The following MBTD1 variants were observed in gnomAD, a reference collection of about 807,000 sequenced individuals.
MBTD1 encodes MBT domain-containing protein 1.
Under a neutral mutation model 87.8 loss-of-function variants are expected in MBTD1, and 24 were observed. That is an observed-to-expected ratio of 0.27 (90% CI 0.20 to 0.38). The LOEUF is 0.38. Among genes scored for constraint, MBTD1 ranks in the 10% least tolerant of loss-of-function variants. MBTD1 has a pLI of 1.00. For synonymous variants in MBTD1, 237 were observed against 248.6 expected (o/e 0.95, Z 0.44); for missense variants, 436 against 760.2 (o/e 0.57, Z 5.02).
At chr17:51,218,529 C>CA (rs58563366) in intron 5 of MBTD1, among the ~76,000 whole-genome samples, 3,840 of 110,252 alleles carry the variant, frequency 0.035, 170 homozygotes, top group African/African-American at 0.053. Flanking sequence ...ACTCTGTCTC[C>CA]AAAAAAAAAA....
At chr17:51,234,724 G>A (rs1338103525) in intron 2 of MBTD1, among the ~76,000 whole-genome samples, 5 of 152,104 alleles carry the variant, frequency 3.3e-5, no homozygotes, top group African/African-American at 7.2e-5. Flanking sequence ...ACGAAGTTTC[G>A]CTCTTGTCGC....
At chr17:51,194,285 T>C (rs2050958306) in intron 13 of MBTD1, among the ~76,000 whole-genome samples, 1 of 152,088 alleles carries the variant, frequency 6.6e-6, no homozygotes, top group African/African-American at 2.4e-5. Context: ...AAAGTCCACA[T>C]AGGGCTGGGT....
chr17:51,245,212 TTTG>T (rs2054364433), intron 2 of MBTD1, among the ~76,000 whole-genome samples: 1 of 152,204 alleles, frequency 6.6e-6, no homozygotes, highest in Non-Finnish European at 1.5e-5. Context: ...AGAGGATTTT[TTTG>T]TTATCTTATT....
Position 51,203,232 on chromosome 17 carries a change from A to C in MBTD1, c.740-4T>G. Reference sequence around the variant, plus strand: ...TTTGTATATTTATGCTGAATAGCTAAAATAGAAGAAATAATCAGTTATACT... The same window carrying C: ...TTTGTATATTTATGCTGAATAGCTACAATAGAAGAAATAATCAGTTATACT... On this transcript the variant is annotated splice_region_variant and splice_polypyrimidine_tract_variant and intron_variant, in intron 8 of 16. Transcript: ENST00000586178. The C allele has an allele frequency of 7.1e-7, 1 of 1,411,594 alleles. No individual in the cohort carries two copies. Among genetic ancestry groups the C allele is most frequent in the Non-Finnish European group, 9.6e-7 (1 of 1,039,114 alleles). 87.4% of individuals were successfully genotyped at this position (1,411,594 alleles called of 1,614,324 possible).
chr17:51,259,717 T>G, intron 1 of MBTD1, 118 bp downstream of exon 1: 1 of 955,998 alleles, frequency 1.0e-6, no homozygotes, highest in Non-Finnish European at 1.4e-6. Flanking sequence ...TGAGAGGGCG[T>G]GGGATGGAGA....
intron 11 of MBTD1, 63 bp downstream of exon 11, chr17:51,201,959 A>G: frequency 1.7e-6 from 2 of 1,196,542 alleles, no homozygotes; most frequent in Admixed American, 1.8e-5. Context: ...AATTTTAGGA[A>G]AAAACCCACA....
At chr17:51,193,747 T>C (rs1013958986) in intron 13 of MBTD1, among the ~76,000 whole-genome samples, 2 of 152,184 alleles carry the variant, frequency 1.3e-5, no homozygotes, top group African/African-American at 2.4e-5. Context: ...GCCTCTCTAG[T>C]AGCTGGGACT....
intron 2 of MBTD1, among the ~76,000 whole-genome samples, chr17:51,227,241 CCAA>C (rs2053275758): frequency 5.4e-5 from 1 of 18,384 alleles, no homozygotes; most frequent in African/African-American, 2.3e-4. Context: ...GACTCTGTCT[CCAA>C]AAAAAAAAAA....
At chr17:51,238,696 G>C (rs2053990592) in intron 2 of MBTD1, among the ~76,000 whole-genome samples, 1 of 152,204 alleles carries the variant, frequency 6.6e-6, no homozygotes, top group Admixed American at 6.5e-5. Context: ...GTAACTGCAG[G>C]AAACAAAGTT....
At chr17:51,226,529 T>C (rs543700231) in intron 2 of MBTD1, among the ~76,000 whole-genome samples, 1 of 151,782 alleles carries the variant, frequency 6.6e-6, no homozygotes, top group East Asian at 2.0e-4. Context: ...AAAATAAAAA[T>C]CGTGGTGAAA....
chr17:51,253,155 TTGA>T (rs2054893801), intron 2 of MBTD1, among the ~76,000 whole-genome samples: 1 of 152,170 alleles, frequency 6.6e-6, no homozygotes, highest in Admixed American at 6.6e-5. Context: ...TATTGAGAGA[TTGA>T]TGATATCTGG....
chr17:51,182,431 A>G (rs1372247983), intron 16 of MBTD1, among the ~76,000 whole-genome samples: 1 of 152,068 alleles, frequency 6.6e-6, no homozygotes, highest in Non-Finnish European at 1.5e-5. Context: ...TGGCCTCTTT[A>G]TACATTTGAA....
chr17:51,254,206 G>A (rs2054952193), intron 2 of MBTD1, among the ~76,000 whole-genome samples: 2 of 152,184 alleles, frequency 1.3e-5, no homozygotes, highest in Non-Finnish European at 2.9e-5. Flanking sequence ...CTTGGTAGGA[G>A]CTCAAGAGCT....
intron 8 of MBTD1, among the ~76,000 whole-genome samples, chr17:51,203,517 C>T (rs368852666): frequency 2.0e-4 from 30 of 152,154 alleles, no homozygotes; most frequent in East Asian, 1.7e-3. Flanking sequence ...CCGGTTCAAG[C>T]GATTCTTCTG....
chr17:51,185,094 C>T (rs1041052547), intron 16 of MBTD1: 1 of 152,102 alleles, frequency 6.6e-6, no homozygotes, highest in Admixed American at 6.5e-5. Flanking sequence ...CGGAAACAAA[C>T]AAGAAAACCC....
At chr17:51,244,248 A>G (rs1478710488) in intron 2 of MBTD1, among the ~76,000 whole-genome samples, 1 of 152,212 alleles carries the variant, frequency 6.6e-6, no homozygotes, top group African/African-American at 2.4e-5. Context: ...ATCAGTCAGC[A>G]AGAAATCCTG....
chr17:51,226,879 C>T (rs570581168), intron 2 of MBTD1, among the ~76,000 whole-genome samples: 2 of 151,980 alleles, frequency 1.3e-5, no homozygotes, highest in African/African-American at 4.8e-5. Flanking sequence ...TGATCGCCTG[C>T]CTTGGCTTCC....
intron 4 of MBTD1, among the ~76,000 whole-genome samples, chr17:51,219,447 A>C (rs944375979): frequency 6.6e-6 from 1 of 152,246 alleles, no homozygotes; most frequent in African/African-American, 2.4e-5. Context: ...TTCAAAGAGC[A>C]AGTGACTGAG....
intron 2 of MBTD1, chr17:51,256,269 G>C (rs1205203814): frequency 6.6e-6 from 1 of 152,192 alleles, no homozygotes; most frequent in Non-Finnish European, 1.5e-5. Context: ...TATTTCAGAT[G>C]AGGAAAGTGA....
Sources: gnomAD v4.1 joint callset for allele counts (sites outside exome capture counted in the v4.1 genomes callset) on GRCh38, gnomAD v4.1.1 for gene constraint, MANE v1.5 for transcripts, NCBI Gene and HGNC (gene_info 2026-07-23, HGNC 2026-07-21) for gene names.